Variants in MOV10L1 observed in about 807,000 individuals in gnomAD.
The protein encoded by MOV10L1 is Mov10 like RNA helicase 1, also known as RNA helicase Mov10l1.
MOV10L1 carries 110 observed loss-of-function variants against 143.8 expected under a neutral mutation model. The observed-to-expected ratio is 0.76, with a 90% CI of 0.66 to 0.90. MOV10L1 has a LOEUF of 0.90. Ranked by LOEUF, MOV10L1 falls within the 40% of genes least tolerant of loss-of-function variation. MOV10L1 has a pLI of 0.00. For missense variants in MOV10L1, 1,406 were observed against 1,526.8 expected (o/e 0.92, Z 1.32); for synonymous variants, 593 against 581.1 (o/e 1.02, Z -0.29).
rs1422392563 is a variant in MOV10L1 at position 50,126,277 on chromosome 22, G to A, written c.1818+5G>A. On this transcript the variant is annotated splice_donor_5th_base_variant and intron_variant, in intron 12 of 26. Coordinates refer to ENST00000262794, the MANE Select transcript of MOV10L1 (RefSeq NM_018995.3). ...TACATCAGCTACGTGACTGAGGTGA[G>A]AGCACTCTCTCTTAATGAGTTTGTG... 6.2e-7 allele frequency: 1 copy of A among 1,606,648 alleles called. No homozygotes were observed. Among genetic ancestry groups the A allele is most frequent in the Non-Finnish European group, 8.5e-7 (1 of 1,173,408 alleles).
intron 1 of MOV10L1, chr22:50,091,168 T>G (rs1193482408): frequency 6.0e-6 from 1 of 167,774 alleles, no homozygotes; most frequent in Non-Finnish European, 1.5e-5. Context: ...CTGTGTTACC[T>G]GGAGCACTTG....
At chr22:50,102,448 A>G (rs1366541071) in intron 3 of MOV10L1, among the ~76,000 whole-genome samples, 2 of 152,232 alleles carry the variant, frequency 1.3e-5, no homozygotes, top group African/African-American at 4.8e-5. Flanking sequence ...CAAAAGGAAG[A>G]ATTATGCTAA....
At chr22:50,150,512 A>G (rs2063268803) in intron 20 of MOV10L1, among the ~76,000 whole-genome samples, 1 of 152,066 alleles carries the variant, frequency 6.6e-6, no homozygotes, top group South Asian at 2.1e-4. Context: ...AGCCGGGCAG[A>G]TGGCAGGACT....
Position 50,110,494 on chromosome 22 carries a change from A to G in MOV10L1, c.743+1650A>G, listed in dbSNP as rs1010612318. Among the ~76,000 whole-genome samples the G allele has an allele frequency of 1.7e-4, 26 of 151,294 alleles. No homozygotes were observed. In the East Asian group the frequency reaches 2.1e-3, roughly 12 times the overall value. On this transcript the variant is annotated intron_variant, in intron 5 of 26. Coordinates refer to ENST00000262794, the MANE Select transcript of MOV10L1 (RefSeq NM_018995.3). Reference sequence around the variant, plus strand: ...CTTTTGGAAGCTTTCAGCCATCTCTATGGTTGACTGAAGGTGGAGTTAGGG... The same window carrying G: ...CTTTTGGAAGCTTTCAGCCATCTCTGTGGTTGACTGAAGGTGGAGTTAGGG...
intron 3 of MOV10L1, among the ~76,000 whole-genome samples, chr22:50,102,675 G>T (rs2147068959): frequency 6.6e-6 from 1 of 152,286 alleles, no homozygotes; most frequent in East Asian, 1.9e-4. Flanking sequence ...GCTGAGGCGG[G>T]CGGATCACCT....
chr22:50,153,782 G>A (rs1014521228), intron 22 of MOV10L1, among the ~76,000 whole-genome samples: 2 of 152,226 alleles, frequency 1.3e-5, no homozygotes, highest in Non-Finnish European at 2.9e-5. Context: ...GCTAAAATGA[G>A]ATAGTTTGTA....
chr22:50,159,904 G>C lies in MOV10L1; in HGVS notation c.3324+119G>C, dbSNP rs1450325661. 1.5e-6 allele frequency: 1 copy of C among 671,338 alleles called. No homozygotes were observed. The allele number at this position is 671,338 out of a possible 1,614,324, so 41.6% of individuals were successfully genotyped here. ...TCCCAGCCCAGAGAAGCAGCTGCAG[G>C]CGGAGACTCCCTAGGTCCAGGAGCC... On this transcript the variant is annotated intron_variant, in intron 24 of 26. Transcript: ENST00000262794. The surrounding 1 kb of genome is among the most constrained non-coding windows in gnomAD (Gnocchi z 4.1).
chr22:50,110,566 G>A (rs1242345513), intron 5 of MOV10L1, among the ~76,000 whole-genome samples: 3 of 152,118 alleles, frequency 2.0e-5, no homozygotes, highest in Non-Finnish European at 2.9e-5. Flanking sequence ...TGTTTTGGGT[G>A]GATTTTTCTG....
rs771660202 is a variant in MOV10L1 at position 50,152,399 on chromosome 22, C to G, written c.2893-646C>G. On this transcript the variant is annotated intron_variant, in intron 21 of 26. Transcript: ENST00000262794. The surrounding 1 kb of genome is among the most constrained non-coding windows in gnomAD (Gnocchi z 4.4). ...CTCTGACTGGTTGAACTCCTGTAGT[C>G]GCTGGAGACCCTCTCTGGCTGCTTA... Among the ~76,000 whole-genome samples the G allele has an allele frequency of 1.3e-5, 2 of 152,198 alleles. No individual in the cohort carries two copies. Among genetic ancestry groups the G allele is most frequent in the Non-Finnish European group, 2.9e-5 (2 of 68,024 alleles).
chr22:50,110,320 G>A (rs368490580), intron 5 of MOV10L1, among the ~76,000 whole-genome samples: 13 of 151,584 alleles, frequency 8.6e-5, no homozygotes, highest in Admixed American at 1.3e-4. Flanking sequence ...GTGGTGGCCG[G>A]CGCCTGTAGT....
intron 2 of MOV10L1, among the ~76,000 whole-genome samples, chr22:50,092,536 G>T (rs746184738): frequency 5.3e-5 from 8 of 152,118 alleles, no homozygotes; most frequent in Non-Finnish European, 1.2e-4. Context: ...TACATGGGAG[G>T]CTGAGGCGGG....
chr22:50,149,524 G>C (rs779964643), intron 19 of MOV10L1, 91 bp from the exon 20 acceptor site: 104 of 1,285,812 alleles, frequency 8.1e-5, no homozygotes, highest in Non-Finnish European at 1.1e-4. Flanking sequence ...TGTGCCCCCG[G>C]GGTGCTGAGC....
At chr22:50,115,820 T>C (rs141912678) in intron 8 of MOV10L1, among the ~76,000 whole-genome samples, 163 of 152,334 alleles carry the variant, frequency 1.1e-3, no homozygotes, top group African/African-American at 3.9e-3. Context: ...GTGTTCCGCA[T>C]AGCCAAGCCC....
At chr22:50,105,220 TC>T (rs1428255396) in intron 3 of MOV10L1, among the ~76,000 whole-genome samples, 2 of 152,216 alleles carry the variant, frequency 1.3e-5, no homozygotes, top group African/African-American at 2.4e-5. Flanking sequence ...ATATTACTGT[TC>T]CAGCCCAGAT....
intron 20 of MOV10L1, among the ~76,000 whole-genome samples, chr22:50,150,010 C>A (rs1260664923): frequency 6.6e-6 from 1 of 152,244 alleles, no homozygotes; most frequent in Non-Finnish European, 1.5e-5. Context: ...CGTTCAGTGC[C>A]TGGAGGGGCG....
intron 15 of MOV10L1, among the ~76,000 whole-genome samples, chr22:50,139,778 T>C (rs2062929993): frequency 6.6e-6 from 1 of 152,198 alleles, no homozygotes; most frequent in Admixed American, 6.5e-5. Context: ...ACATCATTAG[T>C]TGTTAGGGAA....
chr22:50,149,260 A>G (rs1449057210), intron 19 of MOV10L1: 2 of 244,168 alleles, frequency 8.2e-6, no homozygotes, highest in African/African-American at 2.2e-5. Flanking sequence ...TTTGATAATG[A>G]CAGGAGTGAG....
intron 3 of MOV10L1, among the ~76,000 whole-genome samples, chr22:50,107,000 C>T (rs1367097354): frequency 6.6e-6 from 1 of 151,104 alleles, no homozygotes; most frequent in Non-Finnish European, 1.5e-5. Context: ...CATGCCCGGC[C>T]AGGACATGGT....
At chr22:50,154,683 C>T (rs1298110086) in intron 22 of MOV10L1, among the ~76,000 whole-genome samples, 1 of 152,136 alleles carries the variant, frequency 6.6e-6, no homozygotes, top group Admixed American at 6.5e-5. Flanking sequence ...GTCATGAAGC[C>T]CCTCGTTCTC....
Sources: allele counts gnomAD v4.1 joint callset (sites outside exome capture counted in the v4.1 genomes callset), GRCh38; gene constraint gnomAD v4.1.1; non-coding constraint Gnocchi (gnomAD v3.1); transcripts MANE v1.5; gene names NCBI Gene and HGNC (gene_info 2026-07-23, HGNC 2026-07-21).